The following GTF3C1 variants were observed in gnomAD, a reference collection of about 807,000 sequenced individuals.
GTF3C1 encodes general transcription factor 3C polypeptide 1.
In GTF3C1, 57 loss-of-function variants were observed where a neutral mutation model predicts 226.7. That is an observed-to-expected ratio of 0.25 (90% CI 0.20 to 0.31). The LOEUF is 0.31. GTF3C1 is among the 10% of genes least tolerant of loss of function. The pLI is 1.00. For missense variants in GTF3C1, 2,217 were observed against 2,776.1 expected, an observed-to-expected ratio of 0.80 and a Z score of 4.53; for synonymous variants, 1,090 against 1,084.8, an observed-to-expected ratio of 1.00 and a Z score of -0.09.
At chr16:27,484,738 T>A (rs2088109536) in intron 24 of GTF3C1, among the ~76,000 whole-genome samples, 1 of 152,248 alleles carries the variant, frequency 6.6e-6, no homozygotes, top group Non-Finnish European at 1.5e-5. Flanking sequence ...TCAGAAACGT[T>A]CTGTATGTTG....
intron 34 of GTF3C1, chr16:27,464,111 G>C (rs2087745636): frequency 2.2e-6 from 1 of 453,546 alleles, no homozygotes; most frequent in South Asian, 5.6e-5. Flanking sequence ...GTGCTGCCTG[G>C]GGATGTGGGA....
In GTF3C1 at chr16:27,470,891, C is replaced by G. The variant is rs1401919047; in HGVS notation, c.4527-496G>C. On this transcript the variant is annotated intron_variant, in intron 30 of 36. Transcript: ENST00000356183. This position sits in a 1 kb window ranked among gnomAD's most constrained non-coding sequence, Gnocchi z 4.9. The stretch of plus-strand genomic sequence containing the variant: ...GGGTCAGAGGGAGGGACCAAAAAGG[C>G]CTTCCTTGTCTGTGACCACTGCCCT... Among the ~76,000 whole-genome samples the G allele has an allele frequency of 6.6e-6, 1 of 152,232 alleles. No individual in the cohort carries two copies. The highest frequency in any genetic ancestry group is 1.5e-5 in the Non-Finnish European group (1 of 68,034).
intron 6 of GTF3C1, among the ~76,000 whole-genome samples, chr16:27,526,769 T>A (rs1596653595): frequency 6.6e-6 from 1 of 152,272 alleles, no homozygotes; most frequent in African/African-American, 2.4e-5. Context: ...ATATCCCTTT[T>A]CATCACTATG....
Position 27,511,762 on chromosome 16 carries a change from C to G in GTF3C1, c.1113G>C (p.Gln371His). Residue 371 changes from glutamine (Q) to histidine (H), a missense_variant, in exon 7 of 37, where the codon CAG becomes CAC. Coordinates refer to ENST00000356183, the MANE Select transcript of GTF3C1 (RefSeq NM_001520.4). ...DIVFERDMLT[Q>H]TYDLIERRGT... ...AACAAGACTTACTGAGGTCGTAGGT[C>G]TGTGTGAGCATATCCCGCTCGAACA... The G allele has an allele frequency of 1.2e-6, 2 of 1,614,184 alleles. No homozygotes were observed. The highest frequency in any genetic ancestry group is 1.7e-6 in the Non-Finnish European group (2 of 1,180,020).
intron 6 of GTF3C1, among the ~76,000 whole-genome samples, chr16:27,527,116 A>T (rs974245868): frequency 4.6e-5 from 7 of 152,208 alleles, no homozygotes; most frequent in African/African-American, 1.7e-4. Context: ...CTGAGGCAAG[A>T]GGATTAGCTT....
chr16:27,470,382 G>C lies in GTF3C1; in HGVS notation c.4540C>G (p.Arg1514Gly). ...TCCGTGCAGATGGTGCTTGGAAATC[G>C]CCACGTAAAAATCCTACAGACAAAA... ...SQTYYRIFTWRFPSTICTESF... is the reference protein window; with the variant it reads ...SQTYYRIFTWGFPSTICTESF... Residue 1514 changes from arginine (R) to glycine (G), a missense_variant, in exon 31 of 37, where the codon CGA becomes GGA. Arg to Gly is a moderately radical substitution (Grantham distance 125). Transcript: ENST00000356183. The surrounding 1 kb of genome is among the most constrained non-coding windows in gnomAD (Gnocchi z 4.9). 2.5e-6 allele frequency: 4 copies of C among 1,612,818 alleles called. No individual in the cohort carries two copies. The highest frequency in any genetic ancestry group is 3.4e-6 in the Non-Finnish European group (4 of 1,179,276).
In GTF3C1 at chr16:27,462,025, G is replaced by T; in HGVS notation, c.6117+269C>A. On this transcript the variant is annotated intron_variant, in intron 36 of 36. Coordinates refer to ENST00000356183, the MANE Select transcript of GTF3C1 (RefSeq NM_001520.4). This position sits in a 1 kb window ranked among gnomAD's most constrained non-coding sequence, Gnocchi z 4.5. ...GCTGCTTGACCCGTGGGGCCCGGCG[G>T]ACTCATGAGTTAGTGACCCCTGGCA... The T allele has an allele frequency of 2.1e-6, 1 of 476,850 alleles. No homozygotes were observed. The highest frequency in any genetic ancestry group is 3.2e-5 in the East Asian group (1 of 30,864). 29.5% of individuals were successfully genotyped at this position (476,850 alleles called of 1,614,324 possible).
At chr16:27,496,151 G>A (rs866068110) in intron 14 of GTF3C1, among the ~76,000 whole-genome samples, 1 of 152,126 alleles carries the variant, frequency 6.6e-6, no homozygotes, top group African/African-American at 2.4e-5. Flanking sequence ...GCCAGGTGAT[G>A]TGCCTGCCCC....
At chr16:27,484,050 C>T (rs2088097417) in intron 25 of GTF3C1, among the ~76,000 whole-genome samples, 161 bp downstream of exon 25, 1 of 152,146 alleles carries the variant, frequency 6.6e-6, no homozygotes, top group South Asian at 2.1e-4. Context: ...ATGCTTGGCC[C>T]TCACCCTCAA....
rs900965537 is a variant in GTF3C1, at chr16:27,498,635, G to C, written c.2160C>G (p.Ala720=). Residue 720 remains alanine (A), a synonymous_variant, in exon 13 of 37, where the codon GCC becomes GCG. Coordinates refer to ENST00000356183, the MANE Select transcript of GTF3C1 (RefSeq NM_001520.4). ...TCCCGGGCACCTCCACTTGCCTGTTGGCTGTGCTTGAATTGGAGATCCGGA... is the reference window on the plus strand; with the variant it reads ...TCCCGGGCACCTCCACTTGCCTGTTCGCTGTGCTTGAATTGGAGATCCGGA... ...VRFRISNSST[A]NRVKTSQPPV... is the part of the protein sequence containing the mutation. The C allele has an allele frequency of 1.3e-6, 2 of 1,547,024 alleles. No homozygotes were observed. Among genetic ancestry groups the C allele is most frequent in the African/African-American group, 2.7e-5 (2 of 73,586 alleles).
chr16:27,471,775 G>A lies in GTF3C1; in HGVS notation c.4499C>T (p.Ser1500Phe). ...KNRALPFVPMSYQLSQTYYRI... is the reference protein window; with the variant it reads ...KNRALPFVPMFYQLSQTYYRI... ...GTAGTAGGTCTGGGATAGCTGGTAG[G>A]ACATTGGCACGAAGGGGAGGGCCCG... Residue 1500 changes from serine to phenylalanine, a missense_variant, in exon 30 of 37, where the codon TCC (serine) becomes TTC (phenylalanine). Ser to Phe is a radical substitution (Grantham distance 155). Around this residue, in one of 12 missense-constraint regions of GTF3C1, gnomAD observed 546 missense variants for 663.0 expected, o/e 0.82. Transcript: ENST00000356183. The surrounding 1 kb of genome is among the most constrained non-coding windows in gnomAD (Gnocchi z 5.0). The A allele has an allele frequency of 6.2e-7, 1 of 1,614,112 alleles. No individual in the cohort carries two copies. Among genetic ancestry groups the A allele is most frequent in the South Asian group, 1.1e-5 (1 of 91,074 alleles).
At chr16:27,498,270 G>C (rs1313689785) in intron 13 of GTF3C1, among the ~76,000 whole-genome samples, 2 of 152,132 alleles carry the variant, frequency 1.3e-5, no homozygotes, top group Non-Finnish European at 2.9e-5. Context: ...CCTCCCCTGA[G>C]TTTTCTCTCA....
rs117897825 is a variant in GTF3C1 at position 27,526,476 on chromosome 16, A to G, written c.973+2122T>C. Among the ~76,000 whole-genome samples, 128 of 152,332 alleles carry G rather than the reference A, an allele frequency of 8.4e-4. 2 individuals are homozygous for G. Among genetic ancestry groups the G allele is most frequent in the Middle Eastern group, 6.8e-3 (2 of 294 alleles). On this transcript the variant is annotated intron_variant, in intron 6 of 36. Coordinates refer to ENST00000356183, the MANE Select transcript of GTF3C1 (RefSeq NM_001520.4). ...CTGTCTCTGCGGGGAAGGGCCTCTT[A>G]CAGGATTGCAACTTCTCACACAGAC...
intron 5 of GTF3C1, among the ~76,000 whole-genome samples, chr16:27,532,234 A>C (rs2088927208): frequency 6.6e-6 from 1 of 152,206 alleles, no homozygotes; most frequent in Admixed American, 6.5e-5. Context: ...CCACTGCTTT[A>C]AAGAGGCTTA....
intron 6 of GTF3C1, among the ~76,000 whole-genome samples, chr16:27,520,264 G>A (rs1387595080): frequency 4.6e-5 from 7 of 152,118 alleles, no homozygotes; most frequent in Non-Finnish European, 8.8e-5. Flanking sequence ...ACAGGCGTGC[G>A]CTAACACACC....
rs943005864 is a variant in GTF3C1 at position 27,463,746 on chromosome 16, C to T, written c.5873-154G>A. 17 of 677,238 alleles carry T rather than the reference C, an allele frequency of 2.5e-5. No individual in the cohort carries two copies. Among genetic ancestry groups the T allele is most frequent in the African/African-American group, 1.6e-4 (9 of 54,942 alleles). The allele number at this position is 677,238 out of a possible 1,614,324, so 42.0% of individuals were successfully genotyped here. On this transcript the variant is annotated intron_variant, in intron 34 of 36. Coordinates refer to ENST00000356183, the MANE Select transcript of GTF3C1 (RefSeq NM_001520.4). This position sits in a 1 kb window ranked among gnomAD's most constrained non-coding sequence, Gnocchi z 4.9. ...AAAGGACAATGAGCATCTCACAGAG[C>T]GGCCACCCTGGAGGTGGCAGGGCCG... is the stretch of plus-strand genomic sequence containing the variant.
chr16:27,475,917 T>C (rs1474776890), intron 29 of GTF3C1, among the ~76,000 whole-genome samples: 1 of 152,212 alleles, frequency 6.6e-6, no homozygotes, highest in African/African-American at 2.4e-5. Context: ...ATTTTCTGTC[T>C]TAAACATTAG....
Position 27,507,213 on chromosome 16 carries a change from G to T in GTF3C1, c.1243-57C>A. On this transcript the variant is annotated intron_variant, in intron 8 of 36. Transcript: ENST00000356183. The surrounding 1 kb of genome is among the most constrained non-coding windows in gnomAD (Gnocchi z 4.9). ...CAAAGAGGGCGTCATACCCACAGGG[G>T]TTCAGGTGGTCTGTGGCATCTATTT... is the stretch of plus-strand genomic sequence containing the variant. The T allele has an allele frequency of 2.4e-6, 3 of 1,269,004 alleles. No homozygotes were observed. Among genetic ancestry groups the T allele is most frequent in the Admixed American group, 4.0e-5 (2 of 49,404 alleles). 78.6% of individuals were successfully genotyped at this position (1,269,004 alleles called of 1,614,324 possible). A position where few individuals can be genotyped will look rare whatever the true frequency, so the allele number is the denominator to read the frequency against.
Position 27,508,486 on chromosome 16 carries a change from C to T in GTF3C1, c.1242+54G>A, listed in dbSNP as rs1021871328. 1.5e-5 allele frequency: 20 copies of T among 1,319,842 alleles called. No individual in the cohort carries two copies. The African/African-American group carries it at 2.2e-4, about 14-fold the overall frequency. The allele number at this position is 1,319,842 out of a possible 1,614,324, so 81.8% of individuals were successfully genotyped here. A position where few individuals can be genotyped will look rare whatever the true frequency, so the allele number is the denominator to read the frequency against. Reference sequence around the variant, plus strand: ...TGACTGAGATGCTCGTTCTCAAATACACTGCAAGCACCTCCAAAGACAACG... The same window carrying T: ...TGACTGAGATGCTCGTTCTCAAATATACTGCAAGCACCTCCAAAGACAACG... On this transcript the variant is annotated intron_variant, in intron 8 of 36. Coordinates refer to ENST00000356183, the MANE Select transcript of GTF3C1 (RefSeq NM_001520.4).
Sources: allele counts gnomAD v4.1 joint callset (sites outside exome capture counted in the v4.1 genomes callset), GRCh38; gene constraint gnomAD v4.1.1; regional missense constraint gnomAD v4.1.1; non-coding constraint Gnocchi (gnomAD v3.1); transcripts MANE v1.5; gene names NCBI Gene and HGNC (gene_info 2026-07-23, HGNC 2026-07-21).